Variants in LGI3 observed in about 807,000 individuals in gnomAD.
LGI3 encodes the protein leucine rich repeat LGI family member 3, also known as leucine-rich repeat LGI family member 3.
A neutral mutation model predicts 55.4 loss-of-function variants in LGI3; 47 were observed. The ratio of observed to expected loss-of-function variants is 0.85; its 90% confidence interval spans 0.67 to 1.08. The LOEUF (loss-of-function observed/expected upper bound fraction) is 1.08, where lower values mean the gene tolerates loss of function less well. Ranked by LOEUF, LGI3 falls within the 50% of genes least tolerant of loss-of-function variation. The pLI is 0.00. For missense variants in LGI3, 664 were observed against 726.3 expected, an observed-to-expected ratio of 0.91 and a Z score of 0.99; for synonymous variants, 326 against 315.0, an observed-to-expected ratio of 1.04 and a Z score of -0.37.
rs572016004 is a variant in LGI3, at chr8:22,148,872, G to A, written c.935C>T (p.Thr312Ile). The stretch of plus-strand genomic sequence containing the variant: ...GTCTTGCAGCCTGGTGAAGCGCGTG[G>A]TGTTGGGATCCCAGTGGTAAATGTA... ...GSYIYHWDPN[T>I]TRFTRLQDID... The change falls in exon 8 of 8, where the codon ACC becomes ATC. Residue 312 changes from threonine (T) to isoleucine (I), a missense_variant. By Grantham distance (89) the Thr-to-Ile change is moderately conservative (BLOSUM62 -1). Coordinates refer to ENST00000306317, the MANE Select transcript of LGI3 (RefSeq NM_139278.4). The surrounding 1 kb of genome is among the most constrained non-coding windows in gnomAD (Gnocchi z 7.0). 12 of 1,614,202 alleles carry A rather than the reference G, an allele frequency of 7.4e-6. No individual in the cohort carries two copies. The Admixed American group carries it at 2.0e-4, about 27-fold the overall frequency.
At position 22,154,569 on chromosome 8, in the gene LGI3, A is replaced by ACACT. The variant is rs1424974841; in HGVS notation, c.340_341insAGTG (p.Leu114GlnfsTer8). On this transcript the variant is annotated frameshift_variant, in exon 3 of 8. Coordinates refer to ENST00000306317, the MANE Select transcript of LGI3 (RefSeq NM_139278.4). LOFTEE classifies it high-confidence loss of function. ...TTTCCCTCCCACACACAGATACTGC[A>ACACT]GGTGCGACAGTCCTGTGAAGGCGTT... 1 of 1,613,720 alleles carries ACACT rather than the reference A, an allele frequency of 6.2e-7. No homozygotes were observed. Among genetic ancestry groups the ACACT allele is most frequent in the Non-Finnish European group, 8.5e-7 (1 of 1,179,698 alleles).
In LGI3 at chr8:22,151,645, A is replaced by C. The variant is rs762985193; in HGVS notation, c.673T>G (p.Leu225Val). ...EFDCITTDFV[L>V]YQTLAFPAVS... ...GCTGGGAAGGCCAGGGTCTGGTACA[A>C]CACAAAATCTGCAAGATGAGAGGTG... The change falls in exon 7 of 8, where the codon TTG (leucine) becomes GTG (valine). Residue 225 changes from leucine (L) to valine (V), a missense_variant. By Grantham distance (32) the Leu-to-Val change is conservative. Transcript: ENST00000306317. 6.2e-7 allele frequency: 1 copy of C among 1,613,880 alleles called. No individual in the cohort carries two copies. Among genetic ancestry groups the C allele is most frequent in the South Asian group, 1.1e-5 (1 of 91,074 alleles).
intron 7 of LGI3, 115 bp from the exon 8 acceptor site, chr8:22,149,092 T>A: frequency 3.0e-6 from 2 of 668,758 alleles, no homozygotes; most frequent in Admixed American, 2.9e-5. Context: ...GACTCTGCGC[T>A]ATACCATTCC....
intron 5 of LGI3, among the ~76,000 whole-genome samples, chr8:22,152,259 C>A (rs1341897376): frequency 6.6e-6 from 1 of 152,228 alleles, no homozygotes; most frequent in African/African-American, 2.4e-5. Context: ...AGTGTGCATC[C>A]TGCACAGCTG....
At chr8:22,150,245 TTTTG>T (rs1466810914) in intron 7 of LGI3, among the ~76,000 whole-genome samples, 1 of 152,048 alleles carries the variant, frequency 6.6e-6, no homozygotes, top group African/African-American at 2.4e-5. Context: ...GGAGAAGGTG[TTTTG>T]TTTTTGTTTT....
chr8:22,155,463 C>CCTGCGGGGACACCCGAGTCAGTA lies in LGI3; in HGVS notation c.207-23_207-1dup (p.Leu71AspfsTer10), dbSNP rs1325415445. 3 of 1,613,606 alleles carry CCTGCGGGGACACCCGAGTCAGTA rather than the reference C, an allele frequency of 1.9e-6. No individual in the cohort carries two copies. Among genetic ancestry groups the CCTGCGGGGACACCCGAGTCAGTA allele is most frequent in the Admixed American group, 3.3e-5 (2 of 60,018 alleles). ...CTGAGAAGGCGGCATTCACCAGGGTCCTGCGGGGACACCCGAGTCAGTACT... is the reference window on the plus strand; with the variant it reads ...CTGAGAAGGCGGCATTCACCAGGGTCCTGCGGGGACACCCGAGTCAGTACTGCGGGGACACCCGAGTCAGTACT... On this transcript the variant is annotated frameshift_variant and splice_region_variant. Coordinates refer to ENST00000306317, the MANE Select transcript of LGI3 (RefSeq NM_139278.4). LOFTEE classifies it high-confidence loss of function.
Position 22,147,902 on chromosome 8 carries a change from G to C in LGI3, c.*258C>G, listed in dbSNP as rs1010344244. The C allele has an allele frequency of 4.7e-5, 23 of 486,966 alleles. 2 individuals are homozygous for C. Among genetic ancestry groups the C allele is most frequent in the South Asian group, 3.8e-4 (14 of 36,852 alleles). The allele number at this position is 486,966 out of a possible 1,614,324, so 30.2% of individuals were successfully genotyped here. The stretch of plus-strand genomic sequence containing the variant: ...GAGCATGGGAAAGGCTGCAGAGTAG[G>C]GGGGGCCTGCAGTTGGGGTCACGGG... On this transcript the variant is annotated 3_prime_UTR_variant, in exon 8 of 8. Transcript: ENST00000306317.
chr8:22,154,444 C>A, intron 3 of LGI3, 116 bp downstream of exon 3: 1 of 958,100 alleles, frequency 1.0e-6, no homozygotes, highest in South Asian at 1.3e-5. Flanking sequence ...CTCTCGCCTC[C>A]CATCACCTTC....
In LGI3 at chr8:22,151,835, G is replaced by T. The variant is rs372917381; in HGVS notation, c.660C>A (p.Thr220=). 1 of 1,607,576 alleles carries T rather than the reference G, an allele frequency of 6.2e-7. No homozygotes were observed. Among genetic ancestry groups the T allele is most frequent in the Non-Finnish European group, 8.5e-7 (1 of 1,176,294 alleles). ...CAAGGCAGGGGCACCTCCTACCTGT[G>T]GTGATGCAATCGAACTCCCGCAGCG... ...DLPLREFDCI[T]TDFVLYQTLA... is the part of the protein sequence containing the mutation. Residue 220 remains threonine (T), a synonymous_variant, in exon 6 of 8, where the codon ACC becomes ACA. Transcript: ENST00000306317.
At position 22,148,741 on chromosome 8, in the gene LGI3, G is replaced by A; in HGVS notation, c.1066C>T (p.Leu356Phe). The A allele has an allele frequency of 1.2e-6, 2 of 1,614,196 alleles. No homozygotes were observed. The highest frequency in any genetic ancestry group is 1.7e-6 in the Non-Finnish European group (2 of 1,180,028). ...ADSSKAGATS[L>F]YRWHQNGFYS... Reference sequence around the variant, plus strand: ...AAGCCATTCTGGTGCCAGCGGTAGAGGCTGGTGGCGCCTGCCTTGGAGCTG... The same window carrying A: ...AAGCCATTCTGGTGCCAGCGGTAGAAGCTGGTGGCGCCTGCCTTGGAGCTG... The change falls in exon 8 of 8, where the codon CTC (leucine) becomes TTC (phenylalanine). Residue 356 changes from leucine to phenylalanine, a missense_variant. Transcript: ENST00000306317. This position sits in a 1 kb window ranked among gnomAD's most constrained non-coding sequence, Gnocchi z 7.0.
In LGI3 at chr8:22,148,098, C is replaced by A. The variant is rs1827328502; in HGVS notation, c.*62G>T. Reference sequence around the variant, plus strand: ...TCTTCACACAGGCATACGTGGTGCTCACAGAGGCCCCCACCCATCCTCCAG... The same window carrying A: ...TCTTCACACAGGCATACGTGGTGCTAACAGAGGCCCCCACCCATCCTCCAG... On this transcript the variant is annotated 3_prime_UTR_variant, in exon 8 of 8. Coordinates refer to ENST00000306317, the MANE Select transcript of LGI3 (RefSeq NM_139278.4). This position sits in a 1 kb window ranked among gnomAD's most constrained non-coding sequence, Gnocchi z 7.0. 4.3e-6 allele frequency: 6 copies of A among 1,396,536 alleles called. No individual in the cohort carries two copies. The South Asian group carries it at 5.5e-5, about 13-fold the overall frequency. The allele number at this position is 1,396,536 out of a possible 1,614,324, so 86.5% of individuals were successfully genotyped here.
At chr8:22,153,093 T>A (rs544547610) in intron 5 of LGI3, among the ~76,000 whole-genome samples, 6,457 of 143,000 alleles carry the variant, frequency 0.045, 484 homozygotes, top group African/African-American at 0.15. Context: ...TTTTTTTTTT[T>A]AATATTTTGA....
At chr8:22,153,407 C>T (rs2131796091) in intron 5 of LGI3, among the ~76,000 whole-genome samples, 1 of 147,994 alleles carries the variant, frequency 6.8e-6, no homozygotes, top group African/African-American at 2.5e-5. Flanking sequence ...AGCACGGTGG[C>T]TCAGCACATT....
chr8:22,148,879 G>A lies in LGI3; in HGVS notation c.928C>T (p.Pro310Ser). 1 of 1,614,170 alleles carries A rather than the reference G, an allele frequency of 6.2e-7. No individual in the cohort carries two copies. The highest frequency in any genetic ancestry group is 1.3e-5 in the African/African-American group (1 of 75,046). Residue 310 changes from proline (P) to serine (S), a missense_variant, in exon 8 of 8, where the codon CCC becomes TCC. By Grantham distance (74) the Pro-to-Ser change is moderately conservative. Transcript: ENST00000306317. This position sits in a 1 kb window ranked among gnomAD's most constrained non-coding sequence, Gnocchi z 7.0. ...AGCCTGGTGAAGCGCGTGGTGTTGG[G>A]ATCCCAGTGGTAAATGTAAGAGCCG... ...FGGSYIYHWD[P>S]NTTRFTRLQD... is the part of the protein sequence containing the mutation.
Position 22,148,112 on chromosome 8 carries a change from C to A in LGI3, c.*48G>T. 1 of 1,472,544 alleles carries A rather than the reference C, an allele frequency of 6.8e-7. No homozygotes were observed. Among genetic ancestry groups the A allele is most frequent in the Non-Finnish European group, 9.1e-7 (1 of 1,094,184 alleles). 91.2% of individuals were successfully genotyped at this position (1,472,544 alleles called of 1,614,324 possible). The stretch of plus-strand genomic sequence containing the variant: ...TACGTGGTGCTCACAGAGGCCCCCA[C>A]CCATCCTCCAGTGGCCACCCTGAGG... On this transcript the variant is annotated 3_prime_UTR_variant, in exon 8 of 8. Transcript: ENST00000306317. This position sits in a 1 kb window ranked among gnomAD's most constrained non-coding sequence, Gnocchi z 7.0.
chr8:22,151,668 G>A lies in LGI3; in HGVS notation c.665-15C>T. The A allele has an allele frequency of 6.2e-7, 1 of 1,612,646 alleles. No homozygotes were observed. Among genetic ancestry groups the A allele is most frequent in the East Asian group, 2.2e-5 (1 of 44,856 alleles). ...CAACACAAAATCTGCAAGATGAGAGGTGCGTTACTGAAGACCAGAGGGAGA... is the reference window on the plus strand; with the variant it reads ...CAACACAAAATCTGCAAGATGAGAGATGCGTTACTGAAGACCAGAGGGAGA... On this transcript the variant is annotated splice_polypyrimidine_tract_variant and intron_variant, in intron 6 of 7. Coordinates refer to ENST00000306317, the MANE Select transcript of LGI3 (RefSeq NM_139278.4).
intron 2 of LGI3, chr8:22,154,927 A>C: frequency 2.2e-6 from 1 of 460,594 alleles, no homozygotes. Context: ...CCCCACCCTC[A>C]TTCTGTCCCA....
rs1381926299 is a variant in LGI3 at position 22,154,159 on chromosome 8, G to C, written c.405C>G (p.Leu135=). The C allele has an allele frequency of 6.2e-7, 1 of 1,613,868 alleles. No individual in the cohort carries two copies. Among genetic ancestry groups the C allele is most frequent in the Non-Finnish European group, 8.5e-7 (1 of 1,179,866 alleles). The change falls in exon 4 of 8, where the codon CTC becomes CTG. Residue 135 remains leucine, a synonymous_variant. Coordinates refer to ENST00000306317, the MANE Select transcript of LGI3 (RefSeq NM_139278.4). ...GTACTCACAGGTGAGTCAAGGACTT[G>C]AGTCCTCGGAAGGTGAACTTGGATA... ...WALSKFTFRG[L]KSLTHLSLAN...
chr8:22,149,037 C>G (rs1827345683), intron 7 of LGI3, 60 bp from the exon 8 acceptor site: 6 of 1,293,028 alleles, frequency 4.6e-6, no homozygotes, highest in Admixed American at 2.1e-5. Flanking sequence ...TCCATCCAAC[C>G]CCCTTGGAGA....
Sources: gnomAD v4.1 joint callset for allele counts (sites outside exome capture counted in the v4.1 genomes callset) on GRCh38, gnomAD v4.1.1 for gene constraint, Gnocchi (gnomAD v3.1) non-coding constraint, MANE v1.5 for transcripts, NCBI Gene and HGNC (gene_info 2026-07-23, HGNC 2026-07-21) for gene names.